Variants in SMC3 observed in about 807,000 individuals in gnomAD.
SMC3 encodes the protein structural maintenance of chromosomes 3, also known as structural maintenance of chromosomes protein 3.
A neutral mutation model predicts 171.8 loss-of-function variants in SMC3; 20 were observed. That is an observed-to-expected ratio of 0.12 (90% CI 0.08 to 0.17). The LOEUF (loss-of-function observed/expected upper bound fraction) is 0.17, where lower values mean the gene tolerates loss of function less well. Among genes scored for constraint, SMC3 ranks in the 10% least tolerant of loss-of-function variants. SMC3 has a pLI of 1.00. For synonymous variants in SMC3, 464 were observed against 451.1 expected (o/e 1.03, Z -0.36); for missense variants, 543 against 1,420.4 (o/e 0.38, Z 9.93).
chr10:110,584,825 A>G (rs1253847809), intron 13 of SMC3, among the ~76,000 whole-genome samples: 2 of 152,134 alleles, frequency 1.3e-5, no homozygotes, highest in East Asian at 3.9e-4. Context: ...AGGTCTTGCC[A>G]TGTAGCCTAG....
chr10:110,599,840 AT>A (rs1227787923), intron 21 of SMC3, 28 bp downstream of exon 21: 2 of 1,611,120 alleles, frequency 1.2e-6, no homozygotes, highest in Non-Finnish European at 1.7e-6. Context: ...TGGAAAAAGA[AT>A]TCGTTAGTAA....
At chr10:110,571,546 C>T (rs558682024) in intron 2 of SMC3, among the ~76,000 whole-genome samples, 2 of 152,208 alleles carry the variant, frequency 1.3e-5, no homozygotes, top group African/African-American at 4.8e-5. Flanking sequence ...GGAACTAACA[C>T]CCGGAAGTAG....
rs372571718 is a variant in SMC3, at chr10:110,602,188, G to T, written c.3105+10G>T. 2 of 1,604,378 alleles carry T rather than the reference G, an allele frequency of 1.2e-6. No homozygotes were observed. The highest frequency in any genetic ancestry group is 1.7e-5 in the Admixed American group (1 of 59,984). ...GTTAACTTTCAAACAGGTATGTTTCGCTTTGTAGTTAAAACATACACACAG... is the reference window on the plus strand; with the variant it reads ...GTTAACTTTCAAACAGGTATGTTTCTCTTTGTAGTTAAAACATACACACAG... On this transcript the variant is annotated intron_variant, in intron 25 of 28. Transcript: ENST00000361804.
intron 7 of SMC3, among the ~76,000 whole-genome samples, chr10:110,579,773 C>T (rs988830542): frequency 2.0e-5 from 3 of 151,946 alleles, no homozygotes; most frequent in East Asian, 1.9e-4. Context: ...ATAATTGGAG[C>T]GTTCAATAAT....
intron 13 of SMC3, among the ~76,000 whole-genome samples, chr10:110,585,433 T>C (rs1861096748): frequency 6.6e-6 from 1 of 151,506 alleles, no homozygotes; most frequent in African/African-American, 2.4e-5. Context: ...GGATTACAGG[T>C]GCCTGCCACC....
intron 2 of SMC3, 61 bp from the exon 3 acceptor site, chr10:110,573,646 A>G (rs1400874553): frequency 1.8e-6 from 2 of 1,140,904 alleles, no homozygotes; most frequent in African/African-American, 1.5e-5. Flanking sequence ...TTAAAAAGGT[A>G]AACAGTTTTA....
At position 110,567,810 on chromosome 10, in the gene SMC3, C is replaced by T. The variant is rs774724407; in HGVS notation, c.-7C>T. The stretch of plus-strand genomic sequence containing the variant: ...CAGGTCTCCTTCCAGGCCAGGGGCC[C>T]GGAATCATGTACATAAAGCAGGTAA... On this transcript the variant is annotated 5_prime_UTR_variant, in exon 1 of 29. Coordinates refer to ENST00000361804, the MANE Select transcript of SMC3 (RefSeq NM_005445.4). 5 of 1,613,494 alleles carry T rather than the reference C, an allele frequency of 3.1e-6. No homozygotes were observed. In the South Asian group the frequency reaches 4.4e-5, roughly 14 times the overall value.
In SMC3 at chr10:110,589,643, A is replaced by G. The variant is rs776910032; in HGVS notation, c.1344A>G (p.Val448=). 6.2e-7 allele frequency: 1 copy of G among 1,611,438 alleles called. No homozygotes were observed. Among genetic ancestry groups the G allele is most frequent in the East Asian group, 2.2e-5 (1 of 44,848 alleles). The change falls in exon 14 of 29, where the codon GTA becomes GTG. Residue 448 remains valine (V), a synonymous_variant. Coordinates refer to ENST00000361804, the MANE Select transcript of SMC3 (RefSeq NM_005445.4). ...ATCTTAATGAAGTCAAAGCTCGAGT[A>G]GAAGAACTGGACAGAAAATATTACG... is the stretch of plus-strand genomic sequence containing the variant. ...DQDLNEVKAR[V]EELDRKYYEV...
In SMC3 at chr10:110,575,433, A is replaced by G. The variant is rs960769909; in HGVS notation, c.198+30A>G. 4.2e-6 allele frequency: 6 copies of G among 1,444,288 alleles called. No individual in the cohort carries two copies. The African/African-American group carries it at 5.6e-5, about 14-fold the overall frequency. 89.5% of individuals were successfully genotyped at this position (1,444,288 alleles called of 1,614,324 possible). ...GTGAGACTGCTTTAAGACATTATTG[A>G]TATTACATATATTTTAAAAATAAAT... On this transcript the variant is annotated intron_variant, in intron 4 of 28. Transcript: ENST00000361804.
At chr10:110,593,625 G>A (rs745414872) in intron 18 of SMC3, among the ~76,000 whole-genome samples, 1 of 152,096 alleles carries the variant, frequency 6.6e-6, no homozygotes, top group Non-Finnish European at 1.5e-5. Context: ...CTGTATGCAT[G>A]TCTGATTAAT....
At chr10:110,578,528 C>T in intron 6 of SMC3, 100 bp from the exon 7 acceptor site, 1 of 801,632 alleles carries the variant, frequency 1.2e-6, no homozygotes, top group East Asian at 2.7e-5. Context: ...AATTACTGAT[C>T]TTTCCTCCCT....
At chr10:110,580,840 G>A (rs1420418297) in intron 7 of SMC3, 64 bp from the exon 8 acceptor site, 6 of 874,564 alleles carry the variant, frequency 6.9e-6, no homozygotes, top group South Asian at 1.3e-5. Flanking sequence ...ACCTTTCAAC[G>A]TGGAGTTCTT....
chr10:110,581,058 C>A (rs1480736231), intron 8 of SMC3, 37 bp downstream of exon 8: 1 of 1,146,610 alleles, frequency 8.7e-7, no homozygotes, highest in Non-Finnish European at 1.3e-6. Context: ...TTTTTTGTTG[C>A]AAATTACTGT....
chr10:110,582,772 A>G (rs1298836389), intron 10 of SMC3, 130 bp downstream of exon 10: 1 of 716,124 alleles, frequency 1.4e-6, no homozygotes, highest in Non-Finnish European at 2.5e-6. Context: ...GGGCTCAGGC[A>G]ATCCTCTTGC....
chr10:110,605,970 A>C lies in SMC3; in HGVS notation c.*1668A>C, dbSNP rs1322303468. Among the ~76,000 whole-genome samples the C allele has an allele frequency of 2.0e-5, 3 of 152,212 alleles. No individual in the cohort carries two copies. The highest frequency in any genetic ancestry group is 7.2e-5 in the African/African-American group (3 of 41,462). On this transcript the variant is annotated 3_prime_UTR_variant, in exon 29 of 29. Transcript: ENST00000361804. ...TCTAGAACTTCTTAATATTGTTCTT[A>C]AGCATTTCCCCAAGGATATTAGTAT...
intron 10 of SMC3, 62 bp from the exon 11 acceptor site, chr10:110,583,322 G>T: frequency 2.3e-6 from 3 of 1,277,172 alleles, no homozygotes; most frequent in Non-Finnish European, 3.4e-6. Flanking sequence ...AGAATTAATG[G>T]TGTCACAATT....
In SMC3 at chr10:110,567,724, G is replaced by T. The variant is rs540090376; in HGVS notation, c.-93G>T. 1.6e-4 allele frequency: 231 copies of T among 1,487,942 alleles called. 5 individuals are homozygous for T. The South Asian group carries it at 1.8e-3, about 12-fold the overall frequency. 92.2% of individuals were successfully genotyped at this position (1,487,942 alleles called of 1,614,324 possible). A position where few individuals can be genotyped will look rare whatever the true frequency, so the allele number is the denominator to read the frequency against. On this transcript the variant is annotated 5_prime_UTR_variant, in exon 1 of 29. Transcript: ENST00000361804. Reference sequence around the variant, plus strand: ...GGCTGAGGGGAGCGAGCGGCGCTTTGGGGGAGGGGTCGCGTAGGCGCCTCA... The same window carrying T: ...GGCTGAGGGGAGCGAGCGGCGCTTTTGGGGAGGGGTCGCGTAGGCGCCTCA...
chr10:110,571,582 T>C (rs1328383840), intron 2 of SMC3, among the ~76,000 whole-genome samples: 1 of 152,204 alleles, frequency 6.6e-6, no homozygotes, highest in African/African-American at 2.4e-5. Context: ...CTCCTTTCCA[T>C]GTTCACAATT....
chr10:110,578,030 TC>T (rs1269572154), intron 6 of SMC3, 116 bp downstream of exon 6: 5 of 721,082 alleles, frequency 6.9e-6, no homozygotes, highest in Non-Finnish European at 1.2e-5. Flanking sequence ...CACCTCGGCT[TC>T]CTAAAGTGCT....
Sources: gnomAD v4.1 joint callset for allele counts (sites outside exome capture counted in the v4.1 genomes callset) on GRCh38, gnomAD v4.1.1 for gene constraint, MANE v1.5 for transcripts, NCBI Gene and HGNC (gene_info 2026-07-23, HGNC 2026-07-21) for gene names.